Variants in FBXO11 observed in about 807,000 individuals in gnomAD.
The protein encoded by FBXO11 is F-box only protein 11.
In FBXO11, 13 loss-of-function variants were observed where a neutral mutation model predicts 117.0. The observed-to-expected ratio is 0.11, with a 90% CI of 0.07 to 0.18. FBXO11 has a LOEUF of 0.18. Among genes scored for constraint, FBXO11 ranks in the 10% least tolerant of loss-of-function variants. FBXO11 has a pLI of 1.00. For missense variants in FBXO11, 767 were observed against 1,164.4 expected, an observed-to-expected ratio of 0.66 and a Z score of 4.97; for synonymous variants, 490 against 380.5, an observed-to-expected ratio of 1.29 and a Z score of -3.35.
In FBXO11 at chr2:47,814,692, TTAAAA is replaced by T. The variant is rs1220900448; in HGVS notation, c.2007-830_2007-826del. ...CTGCACCTGACCAACTGGCAATCTC[TTAAAA>T]TAAGACAATTAAGTTTGCCACATAG... On this transcript the variant is annotated intron_variant, in intron 16 of 22. Coordinates refer to ENST00000403359, the MANE Select transcript of FBXO11 (RefSeq NM_001190274.2). Among the ~76,000 whole-genome samples, 28 of 152,288 alleles carry T rather than the reference TTAAAA, an allele frequency of 1.8e-4. No individual in the cohort carries two copies. The East Asian group carries it at 1.9e-3, about 10-fold the overall frequency.
Position 47,808,440 on chromosome 2 carries a change from A to G in FBXO11, c.2556-13T>C. 2 of 1,567,048 alleles carry G rather than the reference A, an allele frequency of 1.3e-6. No individual in the cohort carries two copies. The highest frequency in any genetic ancestry group is 1.7e-6 in the Non-Finnish European group (2 of 1,160,772). On this transcript the variant is annotated splice_polypyrimidine_tract_variant and intron_variant, in intron 21 of 22. Coordinates refer to ENST00000403359, the MANE Select transcript of FBXO11 (RefSeq NM_001190274.2). The stretch of plus-strand genomic sequence containing the variant: ...ACAAGTATGACATCTAAAAAGCAAA[A>G]GCTTAAATTACTTTTCTCAAACATG...
Position 47,863,863 on chromosome 2 carries a change from C to A in FBXO11, c.233-24094G>T, listed in dbSNP as rs1462863502. Among the ~76,000 whole-genome samples the A allele has an allele frequency of 1.8e-4, 28 of 151,682 alleles. 1 individual carries two copies. Among genetic ancestry groups the A allele is most frequent in the African/African-American group, 6.5e-4 (27 of 41,290 alleles). On this transcript the variant is annotated intron_variant, in intron 1 of 22. Transcript: ENST00000403359. ...GGTTGAGGCAGGAGAATTGCTTGAA[C>A]CCTGGAGGTGGAGGTTGCAGTGAGC...
At chr2:47,815,884 T>A (rs569787828) in intron 16 of FBXO11, among the ~76,000 whole-genome samples, 1 of 152,140 alleles carries the variant, frequency 6.6e-6, no homozygotes, top group Non-Finnish European at 1.5e-5. Context: ...GAGCAGCATG[T>A]TCAGAATGAA....
chr2:47,826,724 A>G (rs1426454492), intron 11 of FBXO11, among the ~76,000 whole-genome samples: 1 of 151,808 alleles, frequency 6.6e-6, no homozygotes, highest in East Asian at 1.9e-4. Context: ...TCTAGTGACA[A>G]CTCTATCCTA....
Position 47,833,605 on chromosome 2 carries a change from T to TA in FBXO11, c.935-536dup, listed in dbSNP as rs745591944. ...TGTTCTATGTACTGTATCCTCAAAA[T>TA]AAAAAAACCACAAATCTTCAAATGA... On this transcript the variant is annotated intron_variant, in intron 7 of 22. Coordinates refer to ENST00000403359, the MANE Select transcript of FBXO11 (RefSeq NM_001190274.2). Among the ~76,000 whole-genome samples, 7 of 152,232 alleles carry TA rather than the reference T, an allele frequency of 4.6e-5. No homozygotes were observed. In the East Asian group the frequency reaches 1.3e-3, roughly 29 times the overall value.
rs193289961 is a variant in FBXO11 at position 47,828,039 on chromosome 2, G to T, written c.1398+4310C>A. Among the ~76,000 whole-genome samples, 12 of 152,100 alleles carry T rather than the reference G, an allele frequency of 7.9e-5. No homozygotes were observed. In the East Asian group the frequency reaches 1.5e-3, roughly 20 times the overall value. ...GGGAATCTCCCTGTCACCCAAGCTG[G>T]AGCTATCACAGGTCATTACAACCTT... On this transcript the variant is annotated intron_variant, in intron 11 of 22. Transcript: ENST00000403359.
At chr2:47,890,162 C>T (rs1677155003) in intron 1 of FBXO11, among the ~76,000 whole-genome samples, 1 of 151,904 alleles carries the variant, frequency 6.6e-6, no homozygotes, top group Non-Finnish European at 1.5e-5. Flanking sequence ...GAGACAGGGT[C>T]TCAGTATGTT....
At chr2:47,847,392 G>T (rs1558438184) in intron 1 of FBXO11, among the ~76,000 whole-genome samples, 1 of 152,128 alleles carries the variant, frequency 6.6e-6, no homozygotes, top group Admixed American at 6.5e-5. Context: ...CCTATCTAAA[G>T]AAAGTAAAAA....
chr2:47,835,471 T>A (rs903410471), intron 5 of FBXO11, among the ~76,000 whole-genome samples: 4 of 152,134 alleles, frequency 2.6e-5, no homozygotes, highest in African/African-American at 9.7e-5. Flanking sequence ...ATTCTGTTGG[T>A]TGATAAATGT....
chr2:47,902,671 A>C (rs933122582), intron 1 of FBXO11, among the ~76,000 whole-genome samples: 1 of 152,172 alleles, frequency 6.6e-6, no homozygotes, highest in Admixed American at 6.5e-5. Context: ...TGAAGCAGCT[A>C]AAGACCATTC....
At chr2:47,865,173 CTT>C (rs753555753) in intron 1 of FBXO11, among the ~76,000 whole-genome samples, 33 of 152,202 alleles carry the variant, frequency 2.2e-4, no homozygotes, top group Admixed American at 8.5e-4. Flanking sequence ...CTGATTGTAT[CTT>C]TGTGACAGAA....
At chr2:47,817,571 T>C (rs1448965617) in intron 16 of FBXO11, among the ~76,000 whole-genome samples, 1 of 152,220 alleles carries the variant, frequency 6.6e-6, no homozygotes, top group Non-Finnish European at 1.5e-5. Context: ...CCTTTAGACA[T>C]ACTTTCCTCA....
intron 1 of FBXO11, among the ~76,000 whole-genome samples, chr2:47,891,294 C>G (rs1677243364): frequency 6.6e-6 from 1 of 152,164 alleles, no homozygotes; most frequent in Non-Finnish European, 1.5e-5. Flanking sequence ...CCCCTCCCCT[C>G]CCTTTCACCC....
chr2:47,870,629 A>G (rs1403819033), intron 1 of FBXO11, among the ~76,000 whole-genome samples: 4 of 152,212 alleles, frequency 2.6e-5, no homozygotes, highest in African/African-American at 9.6e-5. Flanking sequence ...GAAAGATTCT[A>G]CCCAGATTCT....
At chr2:47,818,745 C>T in intron 16 of FBXO11, 34 bp downstream of exon 16, 1 of 1,503,086 alleles carries the variant, frequency 6.7e-7, no homozygotes, top group South Asian at 1.3e-5. Context: ...TCCTAACTCC[C>T]TCCCAAAAGA....
intron 1 of FBXO11, among the ~76,000 whole-genome samples, chr2:47,848,658 T>C (rs1476095710): frequency 6.6e-6 from 1 of 152,198 alleles, no homozygotes; most frequent in East Asian, 1.9e-4. Context: ...TACACTACAA[T>C]CTTCACTATT....
At position 47,845,306 on chromosome 2, in the gene FBXO11, T is replaced by C. The variant is rs1673321262; in HGVS notation, c.233-5537A>G. Among the ~76,000 whole-genome samples, 3 of 152,202 alleles carry C rather than the reference T, an allele frequency of 2.0e-5. No individual in the cohort carries two copies. The South Asian group carries it at 6.2e-4, about 32-fold the overall frequency. On this transcript the variant is annotated intron_variant, in intron 1 of 22. Transcript: ENST00000403359. ...CAAATAAATTCAAGAAGCTACATGATTTAAGTCATGAATACCACAGAAATC... is the reference window on the plus strand; with the variant it reads ...CAAATAAATTCAAGAAGCTACATGACTTAAGTCATGAATACCACAGAAATC...
chr2:47,878,769 G>A (rs569541299), intron 1 of FBXO11, among the ~76,000 whole-genome samples: 49 of 151,928 alleles, frequency 3.2e-4, no homozygotes, highest in African/African-American at 1.2e-3. Context: ...CCTGAGGTCA[G>A]GAGTTCGAGA....
At position 47,822,187 on chromosome 2, in the gene FBXO11, T is replaced by C. The variant is rs373248862; in HGVS notation, c.1702+31A>G. 4.9e-5 allele frequency: 70 copies of C among 1,425,642 alleles called. 1 individual carries two copies. Among genetic ancestry groups the C allele is most frequent in the South Asian group, 1.6e-4 (13 of 80,750 alleles). 88.3% of individuals were successfully genotyped at this position (1,425,642 alleles called of 1,614,324 possible). A position where few individuals can be genotyped will look rare whatever the true frequency, so the allele number is the denominator to read the frequency against. On this transcript the variant is annotated intron_variant, in intron 13 of 22. Coordinates refer to ENST00000403359, the MANE Select transcript of FBXO11 (RefSeq NM_001190274.2). ...AATATCAAGAAGACATACAAATCTATAAGTTTTATAGAACAAAACCATACG... is the reference window on the plus strand; with the variant it reads ...AATATCAAGAAGACATACAAATCTACAAGTTTTATAGAACAAAACCATACG...
Sources: gnomAD v4.1 joint callset for allele counts (sites outside exome capture counted in the v4.1 genomes callset) on GRCh38, gnomAD v4.1.1 for gene constraint, MANE v1.5 for transcripts, NCBI Gene and HGNC (gene_info 2026-07-23, HGNC 2026-07-21) for gene names.